Variants in ANK2 observed in about 807,000 individuals in gnomAD.
ANK2 encodes ankyrin-2.
Under a neutral mutation model 360.5 loss-of-function variants are expected in ANK2, and 83 were observed. That is an observed-to-expected ratio of 0.23 (90% confidence interval 0.19 to 0.28). ANK2 has a LOEUF of 0.28. Ranked by LOEUF, ANK2 falls within the 10% of genes least tolerant of loss-of-function variation. The pLI, the probability that ANK2 is intolerant of heterozygous loss-of-function variation, is 1.00. For synonymous variants in ANK2, 1,740 were observed against 1,759.5 expected (o/e 0.99, Z 0.28); for missense variants, 4,201 against 4,795.7 (o/e 0.88, Z 3.66).
intron 1 of ANK2, among the ~76,000 whole-genome samples, chr4:113,161,704 GTGTGTGTGTGT>G (rs1255612830): frequency 9.2e-5 from 10 of 109,278 alleles, no homozygotes; most frequent in African/African-American, 3.1e-4. Flanking sequence ...TCGTGTGTGT[GTGTGTGTGTGT>G]GTGTGTGTGT....
chr4:113,377,989 G>A, intron 45 of ANK2: 1 of 387,936 alleles, frequency 2.6e-6, no homozygotes, highest in Non-Finnish European at 4.2e-6. Context: ...ATCGTTTCAA[G>A]TATATCTTTT....
In ANK2 at chr4:112,973,188, T is replaced by TAA. The variant is rs34597000; in HGVS notation, c.21+68689_21+68690dup. On this transcript the variant is annotated intron_variant, in intron 2 of 30. Coordinates refer to the ANK2 transcript ENST00000503271. ...CTATTGAAATAAATCATTTGCATTG[T>TAA]AAAAAAAAAAAAAAAAGACTTTTTC... Among the ~76,000 whole-genome samples the TAA allele has an allele frequency of 4.1e-3, 555 of 134,782 alleles. 3 individuals carry two copies. The highest frequency in any genetic ancestry group is 0.014 in the African/African-American group (523 of 36,948). 88.4% of individuals were successfully genotyped at this position (134,782 alleles called of 152,430 possible).
At chr4:113,069,176 A>G (rs994657911) in intron 1 of ANK2, among the ~76,000 whole-genome samples, 54 of 152,330 alleles carry the variant, frequency 3.5e-4, no homozygotes, top group African/African-American at 1.2e-3. Context: ...TCTGTAGAAC[A>G]AGGAGAGAGC....
chr4:113,162,896 T>C (rs1374784947), intron 1 of ANK2, among the ~76,000 whole-genome samples: 1 of 152,160 alleles, frequency 6.6e-6, no homozygotes, highest in Non-Finnish European at 1.5e-5. Flanking sequence ...AAATAACTCA[T>C]TGTTAAGGAC....
the ANK2 span, among the ~76,000 whole-genome samples, chr4:112,784,114 TG>T: frequency 6.6e-6 from 1 of 152,274 alleles, no homozygotes; most frequent in East Asian, 1.9e-4. Flanking sequence ...AGTATTTTCT[TG>T]TGATAAGCAA....
Position 113,355,060 on chromosome 4 carries a change from G to T in ANK2, c.6442G>T (p.Asp2148Tyr), listed in dbSNP as rs1301230685. The change falls in exon 38 of 46, where the codon GAC becomes TAC. Residue 2148 changes from aspartate (D) to tyrosine (Y), a missense_variant. Physicochemically the swap from Asp to Tyr is radical, Grantham distance 160. Coordinates refer to ENST00000357077, the MANE Select transcript of ANK2 (RefSeq NM_001148.6). ...CATTAAGCAAGAGTTGGAAGACAAT[G>T]ACAAATACCAACAATTCCGCCTGAG... The part of the protein sequence containing the change: ...EVIKQELEDN[D>Y]KYQQFRLSEE... 2.5e-6 allele frequency: 4 copies of T among 1,614,064 alleles called. No individual in the cohort carries two copies. In the South Asian group the frequency reaches 3.3e-5, roughly 13 times the overall value.
intron 1 of ANK2, among the ~76,000 whole-genome samples, chr4:112,849,264 C>T (rs1029283387): frequency 2.6e-5 from 4 of 152,114 alleles, no homozygotes; most frequent in Non-Finnish European, 4.4e-5. Flanking sequence ...TATCCACTCC[C>T]CTCAATCCTC....
At chr4:113,275,620 C>A (rs2059937945) in intron 15 of ANK2, among the ~76,000 whole-genome samples, 1 of 151,796 alleles carries the variant, frequency 6.6e-6, no homozygotes, top group African/African-American at 2.4e-5. Flanking sequence ...TATGACTTAC[C>A]TGGTTGCCTA....
intron 14 of ANK2, among the ~76,000 whole-genome samples, chr4:113,272,607 C>A (rs537484126): frequency 6.6e-5 from 10 of 152,158 alleles, no homozygotes; most frequent in African/African-American, 2.2e-4. Flanking sequence ...GTAGGCAAGA[C>A]ATCCTATTTT....
chr4:113,290,128 T>G (rs1009528957), intron 20 of ANK2, among the ~76,000 whole-genome samples: 7 of 152,114 alleles, frequency 4.6e-5, no homozygotes, highest in Non-Finnish European at 7.4e-5. Context: ...GAATGAAGAT[T>G]TGATTGAAAG....
At chr4:112,822,274 C>T (rs2057324945) in intron 1 of ANK2, among the ~76,000 whole-genome samples, 1 of 148,662 alleles carries the variant, frequency 6.7e-6, no homozygotes, top group Admixed American at 6.7e-5. Context: ...AAAAATTAGC[C>T]GGGCGTGGTG....
chr4:112,781,243 C>T, the ANK2 span, among the ~76,000 whole-genome samples: 12 of 152,004 alleles, frequency 7.9e-5, no homozygotes, highest in Non-Finnish European at 1.2e-4. Flanking sequence ...CAAGGGATCT[C>T]TGCCTGCCAC....
chr4:113,350,733 C>T (rs533371877), intron 37 of ANK2: 1 of 155,378 alleles, frequency 6.4e-6, no homozygotes, highest in Non-Finnish European at 1.4e-5. Context: ...CAATGCCTGC[C>T]CCCTCCCCCA....
chr4:113,348,120 T>C (rs1009987342), intron 35 of ANK2, 156 bp from the exon 36 acceptor site: 4 of 722,508 alleles, frequency 5.5e-6, no homozygotes, highest in Non-Finnish European at 9.6e-6. Context: ...CTGTCTTCTA[T>C]AAACTGTTAG....
intron 2 of ANK2, among the ~76,000 whole-genome samples, chr4:112,958,928 A>T (rs1194744396): frequency 6.6e-6 from 1 of 151,496 alleles, no homozygotes; most frequent in African/African-American, 2.4e-5. Context: ...GGCTCACTGC[A>T]ACTTCCGCCT....
chr4:112,754,583 G>A, the ANK2 span, among the ~76,000 whole-genome samples: 1 of 151,138 alleles, frequency 6.6e-6, no homozygotes, highest in Non-Finnish European at 1.5e-5. Context: ...TCATATTAAA[G>A]TACAGATTTT....
At chr4:113,286,068 A>G (rs1262290296) in intron 18 of ANK2, among the ~76,000 whole-genome samples, 1 of 152,242 alleles carries the variant, frequency 6.6e-6, no homozygotes, top group African/African-American at 2.4e-5. Flanking sequence ...TTCTGCAAAT[A>G]GAGCAGAAAA....
intron 1 of ANK2, among the ~76,000 whole-genome samples, chr4:113,142,739 G>A (rs1331202116): frequency 6.6e-6 from 1 of 152,084 alleles, no homozygotes; most frequent in East Asian, 1.9e-4. Flanking sequence ...AAAAGAAAGA[G>A]GGGGGTAGAA....
In ANK2 at chr4:113,269,240, C is replaced by A. The variant is rs567925182; in HGVS notation, c.1485+4245C>A. On this transcript the variant is annotated intron_variant, in intron 14 of 45. Coordinates refer to ENST00000357077, the MANE Select transcript of ANK2 (RefSeq NM_001148.6). ...CTGGGGTGGGATCCACTGAGCTAGA[C>A]CACTTGGCTTCCTGGCTTCAGCCCC... Among the ~76,000 whole-genome samples, 373 of 152,316 alleles carry A rather than the reference C, an allele frequency of 2.4e-3. 2 individuals carry two copies. The highest frequency in any genetic ancestry group is 8.4e-3 in the African/African-American group (350 of 41,574).
Sources: allele counts gnomAD v4.1 joint callset (sites outside exome capture counted in the v4.1 genomes callset), GRCh38; gene constraint gnomAD v4.1.1; transcripts MANE v1.5; gene names NCBI Gene and HGNC (gene_info 2026-07-23, HGNC 2026-07-21).